MED30: variants seen among roughly 807,000 people sequenced by gnomAD.
The protein encoded by MED30 is mediator of RNA polymerase II transcription subunit 30.
Under a neutral mutation model 21.7 loss-of-function variants are expected in MED30, and 8 were observed. That is an observed-to-expected ratio of 0.37 (90% confidence interval 0.22 to 0.67). The LOEUF (loss-of-function observed/expected upper bound fraction) is 0.67, where lower values mean the gene tolerates loss of function less well. Among genes scored for constraint, MED30 ranks in the 30% least tolerant of loss-of-function variants. The pLI, the probability that MED30 is intolerant of heterozygous loss-of-function variation, is 0.58. For synonymous variants in MED30, 79 were observed against 86.7 expected (o/e 0.91, Z 0.49); for missense variants, 203 against 228.2 (o/e 0.89, Z 0.71).
chr8:117,539,783 T>TGTC (rs1818947304), intron 3 of MED30, 100 bp from the exon 4 acceptor site: 3 of 714,416 alleles, frequency 4.2e-6, no homozygotes, highest in Non-Finnish European at 7.1e-6. Context: ...GCTTAATTTC[T>TGTC]GTCTGTATCA....
intron 1 of MED30, chr8:117,523,383 G>A (rs1818662437): frequency 6.5e-7 from 1 of 1,549,244 alleles, no homozygotes. Flanking sequence ...TCCGTCTGTA[G>A]GTATCTCTGT....
In MED30 at chr8:117,539,931, C is replaced by T. The variant is rs747290267; in HGVS notation, c.490C>T (p.Arg164Ter). 5 of 1,609,010 alleles carry T rather than the reference C, an allele frequency of 3.1e-6. No individual in the cohort carries two copies. Among genetic ancestry groups the T allele is most frequent in the African/African-American group, 1.3e-5 (1 of 74,708 alleles). ...GCTGAAACAAATTATGGATCAATTACGAAATCTCATCTGGGATATAAATGC... is the reference window on the plus strand; with the variant it reads ...GCTGAAACAAATTATGGATCAATTATGAAATCTCATCTGGGATATAAATGC... ...QQLKQIMDQL[R>*]NLIWDINAML... Residue 164 changes from arginine (R) to a stop codon, truncating the protein, a stop_gained, in exon 4 of 4, where the codon CGA (arginine) becomes TGA (stop). Coordinates refer to ENST00000297347, the MANE Select transcript of MED30 (RefSeq NM_080651.4). LOFTEE classifies it high-confidence loss of function.
chr8:117,529,864 G>A (rs773280267), intron 2 of MED30, among the ~76,000 whole-genome samples: 4 of 151,928 alleles, frequency 2.6e-5, no homozygotes, highest in Non-Finnish European at 5.9e-5. Context: ...GAGACTAATC[G>A]TCTTCAGGAG....
intron 3 of MED30, among the ~76,000 whole-genome samples, chr8:117,538,542 C>A (rs1477228837): frequency 6.6e-6 from 1 of 152,038 alleles, no homozygotes; most frequent in Non-Finnish European, 1.5e-5. Flanking sequence ...AATAAGCATA[C>A]ACCAATTTAT....
At chr8:117,532,082 A>C (rs562042915) in intron 3 of MED30, among the ~76,000 whole-genome samples, 2 of 152,162 alleles carry the variant, frequency 1.3e-5, no homozygotes, top group East Asian at 1.9e-4. Context: ...GTATGAATAA[A>C]CTTATTAAGA....
chr8:117,531,380 T>C (rs570682222), intron 3 of MED30, among the ~76,000 whole-genome samples: 1 of 152,102 alleles, frequency 6.6e-6, no homozygotes, highest in South Asian at 2.1e-4. Context: ...TGGCCCCAGC[T>C]TAGCAAAACC....
At chr8:117,527,636 CTTTT>C (rs3040826) in intron 1 of MED30, among the ~76,000 whole-genome samples, 3 of 127,598 alleles carry the variant, frequency 2.4e-5, no homozygotes, top group Non-Finnish European at 3.3e-5. Context: ...TTTTTTCTTT[CTTTT>C]TTTTTTTTTT....
At chr8:117,528,864 C>A in intron 2 of MED30, 55 bp downstream of exon 2, 1 of 1,328,470 alleles carries the variant, frequency 7.5e-7, no homozygotes, top group Non-Finnish European at 1.0e-6. Context: ...AGTGTCAAGA[C>A]AGTTGTTAAT....
At chr8:117,528,572 G>A in intron 1 of MED30, 79 bp from the exon 2 acceptor site, 1 of 1,327,744 alleles carries the variant, frequency 7.5e-7, no homozygotes, top group Non-Finnish European at 1.0e-6. Context: ...AATTGTTTCT[G>A]TTTGTTGGCT....
chr8:117,528,624 T>C (rs72672136), intron 1 of MED30, 27 bp from the exon 2 acceptor site: 115,131 of 1,537,628 alleles, frequency 0.075, 4,662 homozygotes, highest in South Asian at 0.13. Context: ...TTACTTGATA[T>C]TTTTATTCTT....
intron 1 of MED30, 79 bp downstream of exon 1, chr8:117,521,132 C>T (rs1177735925): frequency 1.4e-6 from 2 of 1,396,346 alleles, no homozygotes; most frequent in South Asian, 2.8e-5. Context: ...ACGTGGGGCC[C>T]GTGGATGTCA....
At chr8:117,526,940 A>G (rs904574693) in intron 1 of MED30, among the ~76,000 whole-genome samples, 1 of 151,996 alleles carries the variant, frequency 6.6e-6, no homozygotes, top group African/African-American at 2.4e-5. Flanking sequence ...AATTTTAAGT[A>G]TAGATTTATG....
At chr8:117,532,050 A>G (rs1006971734) in intron 3 of MED30, among the ~76,000 whole-genome samples, 3 of 152,086 alleles carry the variant, frequency 2.0e-5, no homozygotes, top group Admixed American at 2.0e-4. Flanking sequence ...TATTAAGTAG[A>G]TAGGAATTAT....
Position 117,528,774 on chromosome 8 carries a change from GA to G in MED30, c.305del (p.Asn102ThrfsTer44). ...KLRLVYDKCNENCGGMDPIPV... is the reference protein window; with the variant it reads ...KLRLVYDKCNXNCGGMDPIPV... ...GAGATTGGTATATGACAAATGCAAT[GA>G]AAACTGTGGTGGGATGGATCCCATT... On this transcript the variant is annotated frameshift_variant, in exon 2 of 4. Coordinates refer to ENST00000297347, the MANE Select transcript of MED30 (RefSeq NM_080651.4). LOFTEE classifies it high-confidence loss of function. 1 of 1,606,990 alleles carries G rather than the reference GA, an allele frequency of 6.2e-7. No individual in the cohort carries two copies. Among genetic ancestry groups the G allele is most frequent in the African/African-American group, 1.3e-5 (1 of 74,726 alleles).
At chr8:117,530,188 T>TAA in intron 2 of MED30, among the ~76,000 whole-genome samples, 1 of 152,102 alleles carries the variant, frequency 6.6e-6, no homozygotes, top group Middle Eastern at 3.4e-3. Context: ...TGCGAAAACT[T>TAA]AAGACATCTA....
chr8:117,536,843 A>G lies in MED30; in HGVS notation c.442-3040A>G, dbSNP rs556044854. ...CAATCTTTTGGCTTCCCTGGGCCAC[A>G]TTGTAAGAAGAAGAATTGTTTTGGG... is the stretch of plus-strand genomic sequence containing the variant. On this transcript the variant is annotated intron_variant, in intron 3 of 3. Coordinates refer to ENST00000297347, the MANE Select transcript of MED30 (RefSeq NM_080651.4). Among the ~76,000 whole-genome samples the G allele has an allele frequency of 4.6e-5, 7 of 152,340 alleles. No individual in the cohort carries two copies. In the South Asian group the frequency reaches 6.2e-4, roughly 14 times the overall value.
At chr8:117,534,557 T>C (rs550311269) in intron 3 of MED30, among the ~76,000 whole-genome samples, 2 of 152,314 alleles carry the variant, frequency 1.3e-5, no homozygotes, top group African/African-American at 4.8e-5. Flanking sequence ...AGAATCAGTT[T>C]AGGTGTTTTA....
At position 117,520,746 on chromosome 8, in the gene MED30, C is replaced by T. The variant is rs543224616; in HGVS notation, c.-131C>T. ...TCACAGTGGGCGGAAGTCGCGGCCGCTGTTTTGAAATCGGGCCGCGGGGGG... is the reference window on the plus strand; with the variant it reads ...TCACAGTGGGCGGAAGTCGCGGCCGTTGTTTTGAAATCGGGCCGCGGGGGG... On this transcript the variant is annotated 5_prime_UTR_variant, in exon 1 of 4. Coordinates refer to ENST00000297347, the MANE Select transcript of MED30 (RefSeq NM_080651.4). 2.1e-4 allele frequency: 189 copies of T among 903,956 alleles called. 1 individual carries two copies. The African/African-American group carries it at 3.1e-3, about 15-fold the overall frequency. The allele number at this position is 903,956 out of a possible 1,614,324, so 56.0% of individuals were successfully genotyped here. A position where few individuals can be genotyped will look rare whatever the true frequency, so the allele number is the denominator to read the frequency against.
At chr8:117,537,671 A>G (rs1818904761) in intron 3 of MED30, among the ~76,000 whole-genome samples, 1 of 152,188 alleles carries the variant, frequency 6.6e-6, no homozygotes, top group Admixed American at 6.5e-5. Context: ...CAGAATGTAT[A>G]TTTCCAAATG....
Sources: gnomAD v4.1 joint callset for allele counts (sites outside exome capture counted in the v4.1 genomes callset) on GRCh38, gnomAD v4.1.1 for gene constraint, MANE v1.5 for transcripts, NCBI Gene and HGNC (gene_info 2026-07-23, HGNC 2026-07-21) for gene names.